IL1RAPL2: variants seen among roughly 807,000 people sequenced by gnomAD.
IL1RAPL2 encodes the protein X-linked interleukin-1 receptor accessory protein-like 2.
Under a neutral mutation model 44.1 loss-of-function variants are expected in IL1RAPL2, and 3 were observed. That is an observed-to-expected ratio of 0.07 (90% CI 0.03 to 0.18). The LOEUF (loss-of-function observed/expected upper bound fraction) is 0.18. Among genes scored for constraint, IL1RAPL2 ranks in the 10% least tolerant of loss-of-function variants. The pLI is 1.00. For missense variants in IL1RAPL2, 391 were observed against 496.4 expected, an observed-to-expected ratio of 0.79 and a Z score of 2.02; for synonymous variants, 181 against 178.8, an observed-to-expected ratio of 1.01 and a Z score of -0.10.
At chrX:105,260,065 C>G (rs2034345095) in intron 4 of IL1RAPL2, among the ~76,000 whole-genome samples, 1 of 112,185 alleles carries the variant, frequency 8.9e-6, no homozygotes, top group Non-Finnish European at 1.9e-5. Flanking sequence ...CCCAAAGTCA[C>G]CTGAAGGAGG....
intron 9 of IL1RAPL2, among the ~76,000 whole-genome samples, chrX:105,753,630 C>T (rs2038613857): frequency 9.0e-6 from 1 of 111,067 alleles, no homozygotes; most frequent in Non-Finnish European, 1.9e-5. Context: ...ATTCTCACTT[C>T]CAAGCAGAAT....
At chrX:105,731,005 T>G (rs948892915) in intron 7 of IL1RAPL2, among the ~76,000 whole-genome samples, 1 of 110,045 alleles carries the variant, frequency 9.1e-6, no homozygotes, top group African/African-American at 3.3e-5. Flanking sequence ...AACCCCAAAT[T>G]AGTAGAATGA....
chrX:105,402,943 T>C (rs989103354), intron 5 of IL1RAPL2, among the ~76,000 whole-genome samples: 1 of 112,097 alleles, frequency 8.9e-6, no homozygotes, highest in Non-Finnish European at 1.9e-5. Flanking sequence ...TATCTTTCTC[T>C]TATTACCTGT....
intron 1 of IL1RAPL2, among the ~76,000 whole-genome samples, chrX:104,594,708 G>C (rs1160582576): frequency 9.0e-6 from 1 of 111,625 alleles, no homozygotes; most frequent in Non-Finnish European, 1.9e-5. Flanking sequence ...GAGAGTAATG[G>C]GGACAGCTAC....
At chrX:105,425,924 A>G (rs2035806225) in intron 5 of IL1RAPL2, among the ~76,000 whole-genome samples, 1 of 110,278 alleles carries the variant, frequency 9.1e-6, no homozygotes, top group African/African-American at 3.3e-5. Context: ...AATTGATTAA[A>G]GGTGCCCCCT....
At chrX:105,032,477 G>A (rs1405035302) in intron 2 of IL1RAPL2, among the ~76,000 whole-genome samples, 5 of 110,970 alleles carry the variant, frequency 4.5e-5, no homozygotes, top group East Asian at 2.8e-4. Context: ...CCTTCATTTC[G>A]TTATTTCCCC....
chrX:104,763,760 C>T (rs749604989), intron 2 of IL1RAPL2, among the ~76,000 whole-genome samples: 1 of 111,101 alleles, frequency 9.0e-6, no homozygotes, highest in East Asian at 2.9e-4. Context: ...ATAAGAAAAG[C>T]AGCATGGGGG....
At chrX:105,104,887 T>A (rs191674795) in intron 2 of IL1RAPL2, among the ~76,000 whole-genome samples, 1 of 112,225 alleles carries the variant, frequency 8.9e-6, no homozygotes. Flanking sequence ...AAGGCAAGGA[T>A]AGACCCTGTC....
chrX:105,138,312 C>G (rs1219432171), intron 2 of IL1RAPL2, among the ~76,000 whole-genome samples: 2 of 110,214 alleles, frequency 1.8e-5, no homozygotes, highest in Admixed American at 9.7e-5. Context: ...CAAATGCTGC[C>G]TTACAGGAAT....
At chrX:104,806,179 G>A (rs1932921355) in intron 2 of IL1RAPL2, among the ~76,000 whole-genome samples, 2 of 111,882 alleles carry the variant, frequency 1.8e-5, no homozygotes, top group African/African-American at 6.5e-5. Flanking sequence ...AAAGTTTGCA[G>A]TTTAGATGGA....
chrX:105,188,876 T>TA (rs1201477640), intron 2 of IL1RAPL2, among the ~76,000 whole-genome samples: 9 of 111,643 alleles, frequency 8.1e-5, no homozygotes, highest in South Asian at 3.7e-4. Context: ...AACTTTATTT[T>TA]AAAAAAAATG....
chrX:104,806,132 C>A (rs1932921078), intron 2 of IL1RAPL2, among the ~76,000 whole-genome samples: 1 of 112,061 alleles, frequency 8.9e-6, no homozygotes, highest in Non-Finnish European at 1.9e-5. Flanking sequence ...TATTTCATTA[C>A]ATTTTTCAGC....
chrX:104,706,009 G>T (rs1027220095), intron 2 of IL1RAPL2, among the ~76,000 whole-genome samples: 8 of 111,755 alleles, frequency 7.2e-5, no homozygotes, highest in Non-Finnish European at 9.4e-5. Flanking sequence ...GTACCTATTT[G>T]TTAATAGGCA....
At chrX:105,703,190 G>T (rs1216842958) in intron 6 of IL1RAPL2, among the ~76,000 whole-genome samples, 1 of 111,156 alleles carries the variant, frequency 9.0e-6, no homozygotes, top group African/African-American at 3.3e-5. Flanking sequence ...CTGTAAGATG[G>T]TTAGAAGAAT....
intron 2 of IL1RAPL2, among the ~76,000 whole-genome samples, chrX:105,150,419 T>C (rs2033217131): frequency 8.9e-6 from 1 of 112,266 alleles, no homozygotes; most frequent in African/African-American, 3.2e-5. Flanking sequence ...GAGCTAGAAA[T>C]GGCTTGTTTA....
intron 2 of IL1RAPL2, among the ~76,000 whole-genome samples, chrX:104,668,132 G>A (rs1930518555): frequency 1.8e-5 from 2 of 110,754 alleles, no homozygotes; most frequent in South Asian, 7.7e-4. Flanking sequence ...CAGGTAGTTA[G>A]GAAACATATT....
At chrX:105,557,529 A>G (rs182132207) in intron 6 of IL1RAPL2, among the ~76,000 whole-genome samples, 111 of 111,846 alleles carry the variant, frequency 9.9e-4, no homozygotes, top group Middle Eastern at 4.7e-3. Flanking sequence ...ATGTCTTGTG[A>G]GTACCATTTA....
At position 105,767,054 on chromosome X, in the gene IL1RAPL2, G is replaced by A; in HGVS notation, c.1454G>A (p.Ser485Asn). The A allele has an allele frequency of 8.3e-7, 1 of 1,207,062 alleles. No homozygotes were observed. The highest frequency in any genetic ancestry group is 3.0e-5 in the East Asian group (1 of 33,819). The change falls in exon 11 of 11, where the codon AGT (serine) becomes AAT (asparagine). Residue 485 changes from serine to asparagine, a missense_variant. Physicochemically the swap from Ser to Asn is conservative, Grantham distance 46 (BLOSUM62 1). Coordinates refer to ENST00000372582, the MANE Select transcript of IL1RAPL2 (RefSeq NM_017416.2). ...TPDYILRRGW[S>N]IFELESRLHN... Reference sequence around the variant, plus strand: ...GACTATATTCTCAGACGGGGATGGAGTATTTTCGAACTGGAAAGCAGACTC... The same window carrying A: ...GACTATATTCTCAGACGGGGATGGAATATTTTCGAACTGGAAAGCAGACTC...
chrX:104,935,808 C>T (rs2147699777), intron 2 of IL1RAPL2, among the ~76,000 whole-genome samples: 1 of 111,448 alleles, frequency 9.0e-6, no homozygotes, highest in Non-Finnish European at 1.9e-5. Context: ...GATCTCAGTT[C>T]TTGGAAACTT....
Sources: allele counts gnomAD v4.1 joint callset (sites outside exome capture counted in the v4.1 genomes callset), GRCh38; gene constraint gnomAD v4.1.1; transcripts MANE v1.5; gene names NCBI Gene and HGNC (gene_info 2026-07-23, HGNC 2026-07-21).